HDAC9: variants seen among roughly 807,000 people sequenced by gnomAD.
The protein encoded by HDAC9 is MEF-2 interacting transcription repressor (MITR) protein.
HDAC9 carries 41 observed loss-of-function variants against 139.4 expected under a neutral mutation model. The ratio of observed to expected loss-of-function variants is 0.29; its 90% CI spans 0.23 to 0.38. HDAC9 has a LOEUF of 0.38. Ranked by LOEUF, HDAC9 falls within the 10% of genes least tolerant of loss-of-function variation. HDAC9 has a pLI of 1.00. For synonymous variants in HDAC9, 517 were observed against 476.2 expected, an observed-to-expected ratio of 1.09 and a Z score of -1.12; for missense variants, 1,147 against 1,297.0, an observed-to-expected ratio of 0.88 and a Z score of 1.78.
intron 1 of HDAC9, among the ~76,000 whole-genome samples, chr7:18,390,047 AACACACACACACACACACAC>A (rs60514746): frequency 2.1e-4 from 28 of 130,496 alleles, no homozygotes; most frequent in African/African-American, 7.3e-4. Context: ...AGAGAAAGAC[AACACACACACACACACACAC>A]ACACACACAC....
chr7:18,755,097 A>G (rs967521065), intron 14 of HDAC9, among the ~76,000 whole-genome samples: 2 of 152,162 alleles, frequency 1.3e-5, no homozygotes, highest in East Asian at 3.8e-4. Context: ...AGAAACTCAA[A>G]CAGGGAACCC....
intron 12 of HDAC9, among the ~76,000 whole-genome samples, chr7:18,698,568 G>T (rs948963835): frequency 6.6e-6 from 1 of 152,308 alleles, no homozygotes; most frequent in African/African-American, 2.4e-5. Context: ...GGAGCTCTCA[G>T]TCTAAATGGC....
At chr7:18,419,258 A>G (rs900377594) in intron 1 of HDAC9, among the ~76,000 whole-genome samples, 1 of 152,218 alleles carries the variant, frequency 6.6e-6, no homozygotes, top group African/African-American at 2.4e-5. Flanking sequence ...CTTTTTAACT[A>G]TGATATTAAT....
At chr7:18,839,484 A>C (rs1337599091) in intron 21 of HDAC9, among the ~76,000 whole-genome samples, 3 of 152,088 alleles carry the variant, frequency 2.0e-5, no homozygotes, top group Admixed American at 6.6e-5. Flanking sequence ...CCTAGTGAAC[A>C]ACATGGCAGA....
At chr7:18,175,510 G>C (rs1788816134) in intron 2 of HDAC9, among the ~76,000 whole-genome samples, 1 of 152,132 alleles carries the variant, frequency 6.6e-6, no homozygotes, top group Non-Finnish European at 1.5e-5. Context: ...CATCTCAGTT[G>C]GAAATGCAGA....
At chr7:18,878,196 TA>T (rs996509096) in intron 22 of HDAC9, among the ~76,000 whole-genome samples, 13 of 151,898 alleles carry the variant, frequency 8.6e-5, no homozygotes, top group Non-Finnish European at 1.6e-4. Context: ...CATTTTTTTT[TA>T]AAAAAAAGCT....
chr7:18,869,147 G>T (rs530361169), intron 21 of HDAC9, among the ~76,000 whole-genome samples: 17 of 138,224 alleles, frequency 1.2e-4, no homozygotes, highest in Admixed American at 7.3e-4. Flanking sequence ...TCACAATTGG[G>T]GTGTGTGTGT....
chr7:18,568,240 C>G (rs73062339), intron 2 of HDAC9, among the ~76,000 whole-genome samples: 9,803 of 151,882 alleles, frequency 0.065, 382 homozygotes, highest in African/African-American at 0.095. Flanking sequence ...GAATCTTTTA[C>G]TATGGAATAT....
chr7:18,489,997 C>T (rs1045376483), intron 1 of HDAC9, among the ~76,000 whole-genome samples: 2 of 152,050 alleles, frequency 1.3e-5, no homozygotes, highest in African/African-American at 4.8e-5. Context: ...TAGCAATCCA[C>T]CTTAGTCTTT....
chr7:18,358,448 T>A (rs1378040740), intron 1 of HDAC9, among the ~76,000 whole-genome samples: 1 of 152,224 alleles, frequency 6.6e-6, no homozygotes, highest in African/African-American at 2.4e-5. Context: ...TATTTAAAAG[T>A]GATTTTGGAA....
intron 25 of HDAC9, among the ~76,000 whole-genome samples, chr7:18,989,094 G>A (rs1320257075): frequency 7.1e-6 from 1 of 140,254 alleles, no homozygotes; most frequent in East Asian, 2.0e-4. Context: ...GTGTGAATTT[G>A]ATCCTGTCAT....
chr7:18,181,887 C>A (rs73317841), intron 2 of HDAC9, among the ~76,000 whole-genome samples: 3,588 of 152,228 alleles, frequency 0.024, 146 homozygotes, highest in African/African-American at 0.081. Context: ...TGTAAGTTTT[C>A]TCAGGATATA....
intron 12 of HDAC9, among the ~76,000 whole-genome samples, chr7:18,670,641 G>C (rs1795614214): frequency 6.6e-6 from 1 of 152,000 alleles, no homozygotes; most frequent in Non-Finnish European, 1.5e-5. Flanking sequence ...AGGAGGTCTA[G>C]CTTTAATTTG....
At chr7:18,511,671 A>T (rs899574689) in intron 2 of HDAC9, among the ~76,000 whole-genome samples, 1 of 152,168 alleles carries the variant, frequency 6.6e-6, no homozygotes, top group Admixed American at 6.5e-5. Flanking sequence ...ACATTGTTCT[A>T]TTTGATTATC....
At chr7:18,285,934 A>T (rs1284906767), upstream of HDAC9, among the ~76,000 whole-genome samples, 1 of 152,150 alleles carries the variant, frequency 6.6e-6, no homozygotes. Context: ...ACTGCATGAT[A>T]CTATGCTAAT....
At chr7:18,871,196 TTGTTTCAGCTTTGG>T (rs1374073248) in intron 21 of HDAC9, among the ~76,000 whole-genome samples, 1 of 152,194 alleles carries the variant, frequency 6.6e-6, no homozygotes, top group Non-Finnish European at 1.5e-5. Flanking sequence ...GCTCATCAAA[TTGTTTCAGCTTTGG>T]CCATTGAAAG....
chr7:18,146,028 T>C (rs534155893), intron 1 of HDAC9, among the ~76,000 whole-genome samples: 34 of 151,784 alleles, frequency 2.2e-4, no homozygotes, highest in South Asian at 4.2e-4. Context: ...AGCAAAAGAG[T>C]CTTCATGCTG....
chr7:18,688,675 A>T (rs572854446), intron 12 of HDAC9, among the ~76,000 whole-genome samples: 1 of 152,052 alleles, frequency 6.6e-6, no homozygotes, highest in African/African-American at 2.4e-5. Context: ...ATAGGAGATA[A>T]TTGGTTAGAC....
At chr7:18,605,577 G>A (rs964770882) in intron 6 of HDAC9, among the ~76,000 whole-genome samples, 2 of 152,134 alleles carry the variant, frequency 1.3e-5, no homozygotes, top group African/African-American at 4.8e-5. Context: ...TAAACAGAAA[G>A]GGATTTTTTT....
Sources: gnomAD v4.1 joint callset for allele counts (sites outside exome capture counted in the v4.1 genomes callset) on GRCh38, gnomAD v4.1.1 for gene constraint, MANE v1.5 for transcripts, NCBI Gene and HGNC (gene_info 2026-07-23, HGNC 2026-07-21) for gene names.